The following ALKBH8 variants were observed in gnomAD, a reference collection of about 807,000 sequenced individuals.
ALKBH8 encodes the protein tRNA (carboxymethyluridine(34)-5-O)-methyltransferase ALKBH8.
Under a neutral mutation model 59.8 loss-of-function variants are expected in ALKBH8, and 36 were observed. That is an observed-to-expected ratio of 0.60 (90% CI 0.46 to 0.79). ALKBH8 has a LOEUF of 0.79. ALKBH8 is among the 30% of genes least tolerant of loss of function. The pLI, the probability that ALKBH8 is intolerant of heterozygous loss-of-function variation, is 0.00. For synonymous variants in ALKBH8, 276 were observed against 273.6 expected, an observed-to-expected ratio of 1.01 and a Z score of -0.09; for missense variants, 768 against 801.0, an observed-to-expected ratio of 0.96 and a Z score of 0.50.
intron 7 of ALKBH8, among the ~76,000 whole-genome samples, chr11:107,541,015 G>A (rs1334789567): frequency 6.6e-6 from 1 of 152,064 alleles, no homozygotes; most frequent in African/African-American, 2.4e-5. Flanking sequence ...CTTAAGCAAA[G>A]TAAACCATCA....
intron 8 of ALKBH8, among the ~76,000 whole-genome samples, chr11:107,531,513 A>T (rs1863592428): frequency 6.6e-6 from 1 of 152,266 alleles, no homozygotes; most frequent in African/African-American, 2.4e-5. Flanking sequence ...ATAAAAGACT[A>T]AACAGAATTG....
Position 107,532,455 on chromosome 11 carries a change from T to C in ALKBH8, c.772-49A>G, listed in dbSNP as rs767731981. The C allele has an allele frequency of 2.1e-6, 3 of 1,412,570 alleles. No homozygotes were observed. In the South Asian group the frequency reaches 3.5e-5, roughly 16 times the overall value. The allele number at this position is 1,412,570 out of a possible 1,614,324, so 87.5% of individuals were successfully genotyped here. ...AAGATCAATCCAAAATTTCATATAC[T>C]CCAAGGATAAGAATGATTAATAGAG... is the stretch of plus-strand genomic sequence containing the variant. On this transcript the variant is annotated intron_variant, in intron 7 of 11. Transcript: ENST00000428149.
chr11:107,521,719 G>T (rs551275579), intron 10 of ALKBH8, among the ~76,000 whole-genome samples: 1 of 152,214 alleles, frequency 6.6e-6, no homozygotes, highest in Non-Finnish European at 1.5e-5. Context: ...AGACAGAAAT[G>T]GGTTCAAATT....
At chr11:107,522,670 G>T in intron 9 of ALKBH8, 115 bp from the exon 10 acceptor site, 1 of 1,215,298 alleles carries the variant, frequency 8.2e-7, no homozygotes, top group Non-Finnish European at 1.1e-6. Context: ...GACAGACTCT[G>T]ATTTATCCGT....
intron 10 of ALKBH8, among the ~76,000 whole-genome samples, chr11:107,520,834 C>T (rs929692532): frequency 1.4e-4 from 21 of 152,072 alleles, no homozygotes; most frequent in African/African-American, 4.8e-4. Flanking sequence ...TACAACCAGC[C>T]CTCCGAATCT....
chr11:107,504,891 A>T lies in ALKBH8; in HGVS notation c.1762T>A (p.Tyr588Asn), dbSNP rs1429767005. 5.8e-6 allele frequency: 9 copies of T among 1,551,760 alleles called. No homozygotes were observed. In the East Asian group the frequency reaches 2.2e-4, roughly 38 times the overall value. ...LPVHVNRTSFYSQDVLVPWHL... is the reference protein window; with the variant it reads ...LPVHVNRTSFNSQDVLVPWHL... The stretch of plus-strand genomic sequence containing the variant: ...CAGGGAACCAGTACATCTTGAGAAT[A>T]AAAAGAAGTCCTGTTAACATGAACA... The change falls in exon 12 of 12, where the codon TAT (tyrosine) becomes AAT (asparagine). Residue 588 changes from tyrosine to asparagine, a missense_variant. Coordinates refer to ENST00000428149, the MANE Select transcript of ALKBH8 (RefSeq NM_138775.3).
At chr11:107,511,322 G>C (rs1862614237) in intron 10 of ALKBH8, among the ~76,000 whole-genome samples, 1 of 152,112 alleles carries the variant, frequency 6.6e-6, no homozygotes. Flanking sequence ...CAAATATACA[G>C]CTAATTGATG....
chr11:107,509,837 A>G (rs4754228), intron 11 of ALKBH8, among the ~76,000 whole-genome samples: 8,101 of 152,312 alleles, frequency 0.053, 440 homozygotes, highest in East Asian at 0.22. Flanking sequence ...TATATTTGTG[A>G]TTGCAAAAAA....
At chr11:107,525,297 G>T in intron 9 of ALKBH8, 144 bp downstream of exon 9, 2 of 613,924 alleles carry the variant, frequency 3.3e-6, no homozygotes, top group Non-Finnish European at 5.0e-6. Context: ...TAAGAAAAGT[G>T]CATGAAAGTG....
In ALKBH8 at chr11:107,510,922, T is replaced by C. The variant is rs1316574005; in HGVS notation, c.1402A>G (p.Ile468Val). 3 of 1,551,704 alleles carry C rather than the reference T, an allele frequency of 1.9e-6. No homozygotes were observed. Among genetic ancestry groups the C allele is most frequent in the Non-Finnish European group, 1.7e-6 (2 of 1,146,952 alleles). Residue 468 changes from isoleucine to valine, a missense_variant, in exon 11 of 12, where the codon ATC (isoleucine) becomes GTC (valine). Transcript: ENST00000428149. ...AAATGATGAATAACAGCAATGGAGA[T>C]GCAGGCATCACAAGACCCACTGCGG... is the stretch of plus-strand genomic sequence containing the variant. ...PVRSGSCDACISIAVIHHFAT... is the reference protein window; with the variant it reads ...PVRSGSCDACVSIAVIHHFAT...
intron 1 of ALKBH8, among the ~76,000 whole-genome samples, chr11:107,561,378 A>G (rs1864932289): frequency 6.6e-6 from 1 of 152,070 alleles, no homozygotes; most frequent in Admixed American, 6.5e-5. Context: ...CATACATAGC[A>G]GTGCCAAAAA....
intron 2 of ALKBH8, among the ~76,000 whole-genome samples, chr11:107,558,801 T>C (rs924394396): frequency 2.0e-5 from 3 of 152,224 alleles, no homozygotes; most frequent in Admixed American, 6.5e-5. Context: ...GGAGTATGTA[T>C]GAAGTAGAGA....
intron 3 of ALKBH8, 30 bp downstream of exon 3, chr11:107,556,734 TCA>T (rs1337695551): frequency 1.5e-6 from 2 of 1,296,814 alleles, no homozygotes; most frequent in Non-Finnish European, 2.0e-6. Context: ...CCCAGAAGAA[TCA>T]TTTTTTAAAA....
At chr11:107,543,026 C>T (rs11212279) in intron 7 of ALKBH8, among the ~76,000 whole-genome samples, 30,663 of 152,124 alleles carry the variant, frequency 0.2, 3,873 homozygotes, top group South Asian at 0.37. Context: ...TGACAGTGGA[C>T]GGTGAATCGC....
intron 7 of ALKBH8, among the ~76,000 whole-genome samples, chr11:107,534,945 C>G (rs147194718): frequency 2.0e-5 from 3 of 152,134 alleles, no homozygotes; most frequent in African/African-American, 4.8e-5. Flanking sequence ...TCCAATGTAT[C>G]ATTCTTATGC....
intron 10 of ALKBH8, among the ~76,000 whole-genome samples, chr11:107,512,302 G>T (rs1216183079): frequency 3.7e-5 from 1 of 26,722 alleles, no homozygotes; most frequent in Admixed American, 4.7e-4. Context: ...TTATTTTAAG[G>T]GTTTTTTTTT....
Position 107,551,705 on chromosome 11 carries a change from A to AAAT in ALKBH8, c.700+100_700+102dup, listed in dbSNP as rs1031768573. 7.6e-4 allele frequency: 232 copies of AAAT among 305,712 alleles called. 2 individuals are homozygous for AAAT. Among genetic ancestry groups the AAAT allele is most frequent in the Middle Eastern group, 6.4e-3 (5 of 780 alleles). 18.9% of individuals were successfully genotyped at this position (305,712 alleles called of 1,614,324 possible). On this transcript the variant is annotated intron_variant, in intron 6 of 11. Coordinates refer to ENST00000428149, the MANE Select transcript of ALKBH8 (RefSeq NM_138775.3). Reference sequence around the variant, plus strand: ...GCGAAACTCCATCTCAAAAAAAAAAAAATAATAATAATAATAATAATAATA... The same window carrying AAAT: ...GCGAAACTCCATCTCAAAAAAAAAAAAATAATAATAATAATAATAATAATAATA...
chr11:107,547,168 C>T (rs569375598), intron 7 of ALKBH8, among the ~76,000 whole-genome samples: 9 of 152,036 alleles, frequency 5.9e-5, no homozygotes, highest in Non-Finnish European at 1.2e-4. Context: ...CTGCCATAGG[C>T]ATTACAGGAA....
chr11:107,543,701 G>A (rs770890271), intron 7 of ALKBH8, among the ~76,000 whole-genome samples: 3 of 152,066 alleles, frequency 2.0e-5, no homozygotes, highest in Admixed American at 6.6e-5. Context: ...AAAATTAAGC[G>A]AGAAAAGATA....
Sources: gnomAD v4.1 joint callset for allele counts (sites outside exome capture counted in the v4.1 genomes callset) on GRCh38, gnomAD v4.1.1 for gene constraint, MANE v1.5 for transcripts, NCBI Gene and HGNC (gene_info 2026-07-23, HGNC 2026-07-21) for gene names.